QTMAN: variants seen among roughly 807,000 people sequenced by gnomAD.
QTMAN encodes queuosine-tRNA mannosyltransferase, also known as tRNA-queuosine alpha-mannosyltransferase.
the QTMAN span, among the ~76,000 whole-genome samples, chr2:144,120,011 G>A: frequency 6.6e-6 from 1 of 152,118 alleles, no homozygotes; most frequent in Non-Finnish European, 1.5e-5. Flanking sequence ...ATATCATTAG[G>A]ATATTAGAGA....
the QTMAN span, among the ~76,000 whole-genome samples, chr2:144,089,199 G>T: frequency 2.0e-5 from 3 of 151,900 alleles, no homozygotes; most frequent in African/African-American, 7.2e-5. Flanking sequence ...AGGTCAACAG[G>T]TATGTGAAAA....
At chr2:144,168,712 T>C in the QTMAN span, among the ~76,000 whole-genome samples, 1 of 152,272 alleles carries the variant, frequency 6.6e-6, no homozygotes, top group Admixed American at 6.5e-5. Context: ...TATTTTCTTT[T>C]TTCTCTATAC....
the QTMAN span, among the ~76,000 whole-genome samples, chr2:144,135,624 T>C: frequency 6.6e-6 from 1 of 152,172 alleles, no homozygotes; most frequent in East Asian, 1.9e-4. Context: ...CTTTCTCTTA[T>C]AATGTTACCA....
the QTMAN span, among the ~76,000 whole-genome samples, chr2:144,332,748 C>T: frequency 2.4e-3 from 360 of 152,130 alleles, no homozygotes; most frequent in Middle Eastern, 0.027. Flanking sequence ...TGCCCACTGT[C>T]CCCCGGCCTC....
At chr2:144,055,336 C>CACACAG in the QTMAN span, among the ~76,000 whole-genome samples, 3 of 118,650 alleles carry the variant, frequency 2.5e-5, no homozygotes, top group Admixed American at 7.7e-5. Context: ...GACACACAGA[C>CACACAG]ACACACACAC....
At chr2:144,091,347 G>A in the QTMAN span, among the ~76,000 whole-genome samples, 1 of 152,050 alleles carries the variant, frequency 6.6e-6, no homozygotes, top group Non-Finnish European at 1.5e-5. Flanking sequence ...AAATGTGTAT[G>A]GCCTTGGGTT....
the QTMAN span, among the ~76,000 whole-genome samples, chr2:143,981,622 A>T: frequency 1.8e-4 from 28 of 152,308 alleles, no homozygotes; most frequent in Non-Finnish European, 3.7e-4. Context: ...CATTCTGTTT[A>T]TGTTTTATGT....
chr2:144,199,523 C>T, the QTMAN span, among the ~76,000 whole-genome samples: 5 of 152,174 alleles, frequency 3.3e-5, no homozygotes, highest in South Asian at 1.0e-3. Flanking sequence ...GGCAAATAAT[C>T]ATGAAGGGCT....
At chr2:143,984,835 T>C in the QTMAN span, among the ~76,000 whole-genome samples, 1 of 152,168 alleles carries the variant, frequency 6.6e-6, no homozygotes, top group Non-Finnish European at 1.5e-5. Context: ...TTCCACCCAC[T>C]TTCCAGCTCC....
At chr2:144,042,130 A>G in the QTMAN span, among the ~76,000 whole-genome samples, 1 of 152,096 alleles carries the variant, frequency 6.6e-6, no homozygotes. Flanking sequence ...TTTTTGTTTT[A>G]GGGGAACTTT....
the QTMAN span, among the ~76,000 whole-genome samples, chr2:144,136,695 T>G: frequency 6.6e-6 from 1 of 152,130 alleles, no homozygotes; most frequent in Admixed American, 6.6e-5. Flanking sequence ...CTTTTTTCTC[T>G]GCCTCTCCAT....
chr2:144,211,626 C>T, the QTMAN span: 2 of 152,400 alleles, frequency 1.3e-5, no homozygotes, highest in South Asian at 4.1e-4. Context: ...TGGGGAGAAG[C>T]TGGTATTTAA....
chr2:144,019,041 A>G, the QTMAN span, among the ~76,000 whole-genome samples: 1 of 152,156 alleles, frequency 6.6e-6, no homozygotes. Context: ...ACATGGCCAG[A>G]GCATTGACTG....
chr2:144,031,092 G>A, the QTMAN span, among the ~76,000 whole-genome samples: 1 of 152,074 alleles, frequency 6.6e-6, no homozygotes, highest in Non-Finnish European at 1.5e-5. Flanking sequence ...CACATCAGAA[G>A]TTTTAAAATA....
chr2:143,968,995 C>A, the QTMAN span, among the ~76,000 whole-genome samples: 3 of 152,198 alleles, frequency 2.0e-5, no homozygotes, highest in Non-Finnish European at 2.9e-5. Context: ...CTTATCTTTA[C>A]CCAATCTACT....
chr2:144,024,287 G>A, the QTMAN span, among the ~76,000 whole-genome samples: 4 of 152,218 alleles, frequency 2.6e-5, no homozygotes, highest in African/African-American at 9.6e-5. Context: ...AAATAAATGA[G>A]CAAAATCAAC....
the QTMAN span, among the ~76,000 whole-genome samples, chr2:144,310,094 G>A: frequency 6.6e-6 from 1 of 152,218 alleles, no homozygotes; most frequent in Non-Finnish European, 1.5e-5. Context: ...AGTAGTTGCA[G>A]GGAGAGGGAC....
At chr2:143,978,375 A>G in the QTMAN span, among the ~76,000 whole-genome samples, 12 of 151,962 alleles carry the variant, frequency 7.9e-5, no homozygotes, top group Non-Finnish European at 1.2e-4. Flanking sequence ...TCACTAAATC[A>G]TTTTTTCCCA....
chr2:144,064,275 C>T, the QTMAN span, among the ~76,000 whole-genome samples: 14 of 152,154 alleles, frequency 9.2e-5, no homozygotes, highest in African/African-American at 1.4e-4. Flanking sequence ...TGGAAGCATT[C>T]GATTTCATTC....
Sources: allele counts gnomAD v4.1 joint callset (sites outside exome capture counted in the v4.1 genomes callset), GRCh38; gene constraint gnomAD v4.1.1; transcripts MANE v1.5; gene names NCBI Gene and HGNC (gene_info 2026-07-23, HGNC 2026-07-21).